LYZL4: variants seen among roughly 807,000 people sequenced by gnomAD.
The protein encoded by LYZL4 is lysozyme like 4.
In LYZL4, 13 loss-of-function variants were observed where a neutral mutation model predicts 17.6. The ratio of observed to expected loss-of-function variants is 0.74; its 90% CI spans 0.48 to 1.18. The LOEUF is 1.18. LYZL4 is among the 50% of genes most tolerant of loss of function. The probability of loss-of-function intolerance (pLI) is 0.00; values close to 1 mark genes in which losing one functional copy is unlikely to be tolerated. For missense variants in LYZL4, 174 were observed against 188.2 expected (o/e 0.92, Z 0.44); for synonymous variants, 64 against 67.7 (o/e 0.95, Z 0.27).
At chr3:42,366,553 A>G in the LYZL4 span, among the ~76,000 whole-genome samples, 9 of 152,190 alleles carry the variant, frequency 5.9e-5, no homozygotes, top group East Asian at 1.7e-3. Context: ...TCTTGACTCC[A>G]GTGTCACCCT....
At chr3:42,376,157 A>C in the LYZL4 span, among the ~76,000 whole-genome samples, 115 of 152,344 alleles carry the variant, frequency 7.5e-4, 1 homozygote, top group African/African-American at 2.7e-3. Context: ...CCATAAAATC[A>C]GCTCATTAAG....
chr3:42,404,865 A>G (rs760121805), intron 3 of LYZL4, among the ~76,000 whole-genome samples: 3 of 152,224 alleles, frequency 2.0e-5, no homozygotes, highest in Non-Finnish European at 2.9e-5. Flanking sequence ...TAATTAATTT[A>G]AAAATGTTAT....
chr3:42,371,710 G>T, the LYZL4 span, among the ~76,000 whole-genome samples: 1 of 152,186 alleles, frequency 6.6e-6, no homozygotes, highest in East Asian at 1.9e-4. Flanking sequence ...ATGCTTGCAG[G>T]CTCAGTACAT....
chr3:42,406,091 G>A (rs1211371057), intron 3 of LYZL4, among the ~76,000 whole-genome samples: 1 of 152,142 alleles, frequency 6.6e-6, no homozygotes, highest in Non-Finnish European at 1.5e-5. Flanking sequence ...CTCCCCTTGG[G>A]ATGCCCAGCT....
chr3:42,364,341 C>CT, the LYZL4 span, among the ~76,000 whole-genome samples: 60,634 of 119,902 alleles, frequency 0.51, 16,780 homozygotes, highest in East Asian at 0.77. Flanking sequence ...TTTTTCTTTT[C>CT]TTTTTTTTTT....
chr3:42,373,547 G>A, the LYZL4 span, among the ~76,000 whole-genome samples: 3 of 152,314 alleles, frequency 2.0e-5, no homozygotes, highest in South Asian at 2.1e-4. Context: ...GCGTGGGGGA[G>A]GGTGTGCATG....
chr3:42,385,672 A>G, the LYZL4 span, among the ~76,000 whole-genome samples: 4 of 152,202 alleles, frequency 2.6e-5, no homozygotes, highest in African/African-American at 7.2e-5. Flanking sequence ...GCCTGGATTC[A>G]AATGCTACCC....
At chr3:42,370,824 T>G in the LYZL4 span, among the ~76,000 whole-genome samples, 1 of 152,234 alleles carries the variant, frequency 6.6e-6, no homozygotes, top group Non-Finnish European at 1.5e-5. Context: ...GAATGCTGAC[T>G]GGTAGAGTTC....
chr3:42,400,839 T>C lies in LYZL4; in HGVS notation c.371+3207A>G, dbSNP rs138847905. Among the ~76,000 whole-genome samples, 366 of 152,248 alleles carry C rather than the reference T, an allele frequency of 2.4e-3. 2 individuals are homozygous for C. Among genetic ancestry groups the C allele is most frequent in the African/African-American group, 8.5e-3 (352 of 41,550 alleles). Reference sequence around the variant, plus strand: ...TGGTGGTGCAGAGTTCACTGGGTAGTGTAGGCCTGCCATCATAAACAGCGT... The same window carrying C: ...TGGTGGTGCAGAGTTCACTGGGTAGCGTAGGCCTGCCATCATAAACAGCGT... On this transcript the variant is annotated intron_variant, in intron 4 of 4. Coordinates refer to ENST00000287748, the MANE Select transcript of LYZL4 (RefSeq NM_144634.4).
the LYZL4 span, among the ~76,000 whole-genome samples, chr3:42,376,538 T>C: frequency 1.1e-3 from 164 of 152,358 alleles, no homozygotes; most frequent in African/African-American, 3.8e-3. Flanking sequence ...CCCTCAGTGG[T>C]TGTTTATTCA....
chr3:42,399,130 A>G (rs2125599980), intron 4 of LYZL4, among the ~76,000 whole-genome samples: 1 of 152,344 alleles, frequency 6.6e-6, no homozygotes, highest in East Asian at 1.9e-4. Context: ...AAAGCAAAAC[A>G]GAATGACATC....
intron 4 of LYZL4, 56 bp downstream of exon 4, chr3:42,403,990 T>C: frequency 7.9e-7 from 1 of 1,263,486 alleles, no homozygotes; most frequent in South Asian, 1.3e-5. Context: ...AAGATTCAGA[T>C]TAGAGATCAT....
chr3:42,383,439 CAAAA>C, the LYZL4 span, among the ~76,000 whole-genome samples: 290 of 108,894 alleles, frequency 2.7e-3, no homozygotes, highest in African/African-American at 8.6e-3. Flanking sequence ...TGATTTCCAC[CAAAA>C]AAAAAAAAAA....
the LYZL4 span, among the ~76,000 whole-genome samples, chr3:42,386,995 C>T: frequency 0.29 from 43,999 of 151,898 alleles, 7,485 homozygotes; most frequent in South Asian, 0.53. Context: ...TTTTTAAATT[C>T]GCCTTTATAT....
chr3:42,382,757 A>G, the LYZL4 span, among the ~76,000 whole-genome samples: 1 of 151,754 alleles, frequency 6.6e-6, no homozygotes, highest in Non-Finnish European at 1.5e-5. Context: ...AGCTTAAAGG[A>G]ATTTTTTAAA....
intron 1 of LYZL4, among the ~76,000 whole-genome samples, chr3:42,410,144 T>C (rs1259007876): frequency 6.6e-6 from 1 of 152,250 alleles, no homozygotes; most frequent in African/African-American, 2.4e-5. Flanking sequence ...TCTGTTCACT[T>C]GCTTATTTTC....
chr3:42,396,461 TAAAGTTGAAAC>T (rs1318619192), downstream of LYZL4, among the ~76,000 whole-genome samples: 1 of 152,242 alleles, frequency 6.6e-6, no homozygotes. Context: ...CCTTGCTACT[TAAAGTTGAAAC>T]AGATGTAGGG....
At chr3:42,392,651 T>A (rs1698501006), downstream of LYZL4, among the ~76,000 whole-genome samples, 2 of 152,130 alleles carry the variant, frequency 1.3e-5, no homozygotes, top group African/African-American at 4.8e-5. Flanking sequence ...ATGCATGACA[T>A]CATTATGATG....
chr3:42,400,862 C>T (rs905394896), intron 4 of LYZL4, among the ~76,000 whole-genome samples: 18 of 152,010 alleles, frequency 1.2e-4, no homozygotes, highest in South Asian at 6.2e-4. Flanking sequence ...TCATAAACAG[C>T]GTGGATGGAG....
Sources: gnomAD v4.1 joint callset for allele counts (sites outside exome capture counted in the v4.1 genomes callset) on GRCh38, gnomAD v4.1.1 for gene constraint, MANE v1.5 for transcripts, NCBI Gene and HGNC (gene_info 2026-07-23, HGNC 2026-07-21) for gene names.